The following SGIP1 variants were observed in gnomAD, a reference collection of about 807,000 sequenced individuals.
The protein encoded by SGIP1 is SH3-containing GRB2-like protein 3-interacting protein 1.
A neutral mutation model predicts 107.5 loss-of-function variants in SGIP1; 38 were observed. The ratio of observed to expected loss-of-function variants is 0.35; its 90% confidence interval spans 0.27 to 0.46. The LOEUF (loss-of-function observed/expected upper bound fraction) is 0.46. Ranked by LOEUF, SGIP1 falls within the 20% of genes least tolerant of loss-of-function variation. SGIP1 has a pLI of 1.00. For synonymous variants in SGIP1, 365 were observed against 366.1 expected (o/e 1.00, Z 0.03); for missense variants, 929 against 1,019.5 (o/e 0.91, Z 1.21).
intron 18 of SGIP1, among the ~76,000 whole-genome samples, chr1:66,697,876 A>T (rs564516988): frequency 1.3e-5 from 2 of 152,270 alleles, no homozygotes; most frequent in East Asian, 3.9e-4. Context: ...AGGATTTCTA[A>T]CATATTCTTG....
At chr1:66,652,410 C>A (rs1377232171) in intron 7 of SGIP1, among the ~76,000 whole-genome samples, 1 of 152,054 alleles carries the variant, frequency 6.6e-6, no homozygotes. Context: ...AGCTGACCTA[C>A]CCTGGCGTGT....
At chr1:66,561,666 TA>T (rs35935515) in intron 1 of SGIP1, among the ~76,000 whole-genome samples, 2 of 152,000 alleles carry the variant, frequency 1.3e-5, no homozygotes, top group African/African-American at 2.4e-5. Context: ...GGGTGCAAAG[TA>T]AAATACTACA....
chr1:66,719,493 T>C, intron 19 of SGIP1, 88 bp downstream of exon 19: 1 of 949,324 alleles, frequency 1.1e-6, no homozygotes, highest in South Asian at 2.8e-5. Context: ...CATTTTTTCT[T>C]TTAAAAAGCA....
intron 1 of SGIP1, among the ~76,000 whole-genome samples, chr1:66,539,548 A>G (rs530999733): frequency 2.0e-4 from 31 of 152,300 alleles, no homozygotes; most frequent in African/African-American, 7.5e-4. Context: ...AAACTTCTAT[A>G]TCTTCCCATT....
At chr1:66,544,880 C>T (rs1382344519) in intron 1 of SGIP1, among the ~76,000 whole-genome samples, 1 of 152,180 alleles carries the variant, frequency 6.6e-6, no homozygotes, top group East Asian at 1.9e-4. Flanking sequence ...GTGCTATTGA[C>T]TGTAACCATT....
chr1:66,605,207 A>G (rs1274671608), intron 1 of SGIP1, among the ~76,000 whole-genome samples: 1 of 152,150 alleles, frequency 6.6e-6, no homozygotes, highest in Non-Finnish European at 1.5e-5. Context: ...TTATTTACAA[A>G]TAGCAAATAT....
At chr1:66,658,037 A>G (rs2080132271) in intron 7 of SGIP1, among the ~76,000 whole-genome samples, 1 of 152,182 alleles carries the variant, frequency 6.6e-6, no homozygotes, top group East Asian at 1.9e-4. Flanking sequence ...CAACATATTA[A>G]ATAAAGATGG....
intron 8 of SGIP1, among the ~76,000 whole-genome samples, chr1:66,667,149 G>A (rs2082739583): frequency 1.3e-5 from 2 of 152,042 alleles, no homozygotes; most frequent in South Asian, 4.2e-4. Context: ...AGCTCTGTAG[G>A]GAAACAGTTT....
chr1:66,537,864 C>T (rs1010668444), intron 1 of SGIP1, among the ~76,000 whole-genome samples: 9 of 151,890 alleles, frequency 5.9e-5, no homozygotes, highest in Non-Finnish European at 5.9e-5. Flanking sequence ...AAATTTGAAC[C>T]TACATCCATT....
intron 1 of SGIP1, among the ~76,000 whole-genome samples, chr1:66,553,757 A>G (rs955632210): frequency 1.3e-5 from 2 of 151,622 alleles, no homozygotes; most frequent in Non-Finnish European, 2.9e-5. Flanking sequence ...GCTCTTCATC[A>G]CCTCCTAGTG....
intron 14 of SGIP1, 90 bp downstream of exon 14, chr1:66,679,842 G>A: frequency 1.7e-6 from 2 of 1,187,190 alleles, no homozygotes; most frequent in Non-Finnish European, 2.3e-6. Flanking sequence ...GAAAACTGTA[G>A]GCTACACAAA....
chr1:66,568,097 T>G (rs1192260289), intron 1 of SGIP1, among the ~76,000 whole-genome samples: 1 of 152,196 alleles, frequency 6.6e-6, no homozygotes, highest in Non-Finnish European at 1.5e-5. Flanking sequence ...CTTTGGGTAG[T>G]ATGGCCATTT....
At chr1:66,621,819 T>G (rs1030183713) in intron 1 of SGIP1, among the ~76,000 whole-genome samples, 1 of 152,190 alleles carries the variant, frequency 6.6e-6, no homozygotes, top group African/African-American at 2.4e-5. Context: ...ATTGCATGGC[T>G]AGGCCACATT....
At chr1:66,654,764 G>A (rs1163464493) in intron 7 of SGIP1, among the ~76,000 whole-genome samples, 3 of 152,156 alleles carry the variant, frequency 2.0e-5, no homozygotes, top group Non-Finnish European at 4.4e-5. Flanking sequence ...TCTGTCTAAA[G>A]GACAGCCTCT....
chr1:66,681,920 A>C lies in SGIP1; in HGVS notation c.866A>C (p.Asn289Thr), dbSNP rs748485959. ...AAAATTGAAAAACTACCATCCATCA[A>C]TGACTTGGACAGCATTTTTGGGCCA... ...EVKIEKLPSI[N>T]DLDSIFGPVL... Residue 289 changes from asparagine (N) to threonine (T), a missense_variant, in exon 15 of 25, where the codon AAT becomes ACT. By Grantham distance (65) the Asn-to-Thr change is moderately conservative. Coordinates refer to ENST00000371037, the MANE Select transcript of SGIP1 (RefSeq NM_032291.4). The C allele has an allele frequency of 6.2e-7, 1 of 1,614,070 alleles. No individual in the cohort carries two copies. The highest frequency in any genetic ancestry group is 8.5e-7 in the Non-Finnish European group (1 of 1,179,980).
intron 20 of SGIP1, among the ~76,000 whole-genome samples, chr1:66,730,752 C>T (rs1008553518): frequency 6.6e-6 from 1 of 152,206 alleles, no homozygotes; most frequent in Non-Finnish European, 1.5e-5. Context: ...TCATCTCCCA[C>T]CATCCTGCCT....
intron 1 of SGIP1, among the ~76,000 whole-genome samples, chr1:66,573,642 G>A (rs549105412): frequency 1.2e-4 from 18 of 152,160 alleles, no homozygotes; most frequent in Non-Finnish European, 2.1e-4. Flanking sequence ...ATTATCCTTC[G>A]CAAACTAATG....
chr1:66,645,750 T>C (rs2077541097), intron 7 of SGIP1, among the ~76,000 whole-genome samples: 3 of 152,156 alleles, frequency 2.0e-5, no homozygotes, highest in African/African-American at 7.2e-5. Flanking sequence ...TAAAGAGAGG[T>C]TGTAACTGAA....
intron 18 of SGIP1, chr1:66,704,363 C>T (rs2092304545): frequency 6.6e-6 from 1 of 152,108 alleles, no homozygotes; most frequent in Admixed American, 6.6e-5. Context: ...CACCCTTTGC[C>T]TCTACCAGAG....
Sources: allele counts gnomAD v4.1 joint callset (sites outside exome capture counted in the v4.1 genomes callset), GRCh38; gene constraint gnomAD v4.1.1; transcripts MANE v1.5; gene names NCBI Gene and HGNC (gene_info 2026-07-23, HGNC 2026-07-21).